CACNA2D4: variants seen among roughly 807,000 people sequenced by gnomAD.
CACNA2D4 encodes the protein voltage-dependent calcium channel subunit alpha-2/delta-4.
A neutral mutation model predicts 163.8 loss-of-function variants in CACNA2D4; 157 were observed. That is an observed-to-expected ratio of 0.96 (90% confidence interval 0.84 to 1.09). The LOEUF (loss-of-function observed/expected upper bound fraction) is 1.09. Among genes scored for constraint, CACNA2D4 ranks in the 50% least tolerant of loss-of-function variants. The pLI is 0.00. For missense variants in CACNA2D4, 1,410 were observed against 1,479.9 expected (o/e 0.95, Z 0.78); for synonymous variants, 598 against 586.9 (o/e 1.02, Z -0.27).
rs1592726621 is a variant in CACNA2D4 at position 1,875,303 on chromosome 12, T to C, written c.1754A>G (p.Asn585Ser). The change falls in exon 17 of 38, where the codon AAC (asparagine) becomes AGC (serine). Residue 585 changes from asparagine to serine, a missense_variant. Coordinates refer to ENST00000382722, the MANE Select transcript of CACNA2D4 (RefSeq NM_172364.5). The surrounding 1 kb of genome is among the most constrained non-coding windows in gnomAD (Gnocchi z 4.0). ...TTCGGAGAGATCCACACTGTTGTAGTTAGGTTTGGGTTTTAGTTTCTTCCC... is the reference window on the plus strand; with the variant it reads ...TTCGGAGAGATCCACACTGTTGTAGCTAGGTTTGGGTTTTAGTTTCTTCCC... ...REGKKLKPKP[N>S]YNSVDLSEVE... 3 of 1,613,876 alleles carry C rather than the reference T, an allele frequency of 1.9e-6. No homozygotes were observed. In the East Asian group the frequency reaches 6.7e-5, roughly 36 times the overall value.
chr12:1,914,269 G>GA (rs1866905259), intron 2 of CACNA2D4, among the ~76,000 whole-genome samples: 1 of 152,240 alleles, frequency 6.6e-6, no homozygotes, highest in Non-Finnish European at 1.5e-5. Flanking sequence ...GCTGCCATTG[G>GA]AACTGCTCTG....
chr12:1,912,421 G>T (rs1219505609), intron 3 of CACNA2D4, among the ~76,000 whole-genome samples: 4 of 152,226 alleles, frequency 2.6e-5, no homozygotes, highest in Non-Finnish European at 5.9e-5. Flanking sequence ...GCCCCACCAG[G>T]CTTGGTGGAT....
chr12:1,918,048 C>T, intron 1 of CACNA2D4, 199 bp downstream of exon 1: 1 of 557,672 alleles, frequency 1.8e-6, no homozygotes, highest in Non-Finnish European at 3.1e-6. Flanking sequence ...CCAGAACTCA[C>T]AGAGCTTTTG....
At chr12:1,907,387 A>G (rs1592748927) in intron 6 of CACNA2D4, 53 bp downstream of exon 6, 1 of 932,628 alleles carries the variant, frequency 1.1e-6, no homozygotes, top group Non-Finnish European at 1.5e-6. Flanking sequence ...TGCCCCTATT[A>G]TTTCCAGAGA....
In CACNA2D4 at chr12:1,908,041, G is replaced by T. The variant is rs60194757; in HGVS notation, c.487-4C>A. The T allele has an allele frequency of 1.9e-6, 3 of 1,607,864 alleles. No homozygotes were observed. The highest frequency in any genetic ancestry group is 2.6e-6 in the Non-Finnish European group (3 of 1,175,512). On this transcript the variant is annotated splice_polypyrimidine_tract_variant and splice_region_variant and intron_variant, in intron 4 of 37. Transcript: ENST00000382722. Reference sequence around the variant, plus strand: ...GGACCGAGTTGTAATAGTCGAACTGGGGTGGACGGGTGAGGCCCACGGAGG... The same window carrying T: ...GGACCGAGTTGTAATAGTCGAACTGTGGTGGACGGGTGAGGCCCACGGAGG...
intron 26 of CACNA2D4, chr12:1,822,172 C>T (rs1864132289): frequency 6.6e-6 from 1 of 152,202 alleles, no homozygotes; most frequent in African/African-American, 2.4e-5. Flanking sequence ...AGCAGCCGAT[C>T]TGGTGTCTTT....
At chr12:1,826,296 C>T (rs1373215724) in intron 26 of CACNA2D4, among the ~76,000 whole-genome samples, 1 of 152,100 alleles carries the variant, frequency 6.6e-6, no homozygotes, top group Non-Finnish European at 1.5e-5. Flanking sequence ...CATAGAAACT[C>T]CACCAAGCAG....
In CACNA2D4 at chr12:1,802,147, TGA is replaced by T. The variant is rs1863361039; in HGVS notation, c.2722-505_2722-504del. On this transcript the variant is annotated intron_variant, in intron 29 of 37. Coordinates refer to ENST00000382722, the MANE Select transcript of CACNA2D4 (RefSeq NM_172364.5). The surrounding 1 kb of genome is among the most constrained non-coding windows in gnomAD (Gnocchi z 4.7). Reference sequence around the variant, plus strand: ...CGCTGGTGTCCTCATCTTCCCAGTGTGAGAGGGCTGCTGTGGCTTTTGCTGTC... The same window carrying T: ...CGCTGGTGTCCTCATCTTCCCAGTGTGAGGGCTGCTGTGGCTTTTGCTGTC... Among the ~76,000 whole-genome samples, 1 of 151,894 alleles carries T rather than the reference TGA, an allele frequency of 6.6e-6. No individual in the cohort carries two copies. Among genetic ancestry groups the T allele is most frequent in the South Asian group, 2.1e-4 (1 of 4,822 alleles).
chr12:1,810,217 C>T (rs1236871712), intron 29 of CACNA2D4, 61 bp downstream of exon 29: 9 of 1,408,414 alleles, frequency 6.4e-6, no homozygotes, highest in South Asian at 5.8e-5. Flanking sequence ...GGAGTGGCTG[C>T]CCAATGTCTC....
At chr12:1,842,724 G>A (rs1253954979) in intron 25 of CACNA2D4, among the ~76,000 whole-genome samples, 1 of 151,986 alleles carries the variant, frequency 6.6e-6, no homozygotes, top group East Asian at 1.9e-4. Flanking sequence ...GGCAGGGGCT[G>A]GGGCCTCATT....
intron 26 of CACNA2D4, among the ~76,000 whole-genome samples, chr12:1,816,972 T>A (rs1445380308): frequency 1.3e-5 from 2 of 152,208 alleles, no homozygotes; most frequent in Non-Finnish European, 2.9e-5. Context: ...GTTTGCACAC[T>A]GTTGAGTGCT....
chr12:1,796,933 CG>C (rs1264040262), intron 35 of CACNA2D4, among the ~76,000 whole-genome samples: 1 of 152,218 alleles, frequency 6.6e-6, no homozygotes, highest in Non-Finnish European at 1.5e-5. Flanking sequence ...AGGCTGCCCG[CG>C]GGGCTCCCAG....
Position 1,917,516 on chromosome 12 carries a change from G to C in CACNA2D4, c.227+731C>G, listed in dbSNP as rs557346583. On this transcript the variant is annotated intron_variant, in intron 1 of 37. Coordinates refer to ENST00000382722, the MANE Select transcript of CACNA2D4 (RefSeq NM_172364.5). This position sits in a 1 kb window ranked among gnomAD's most constrained non-coding sequence, Gnocchi z 4.3. The stretch of plus-strand genomic sequence containing the variant: ...GTCTGTAGCACCTACAGTCTAGAAG[G>C]CTCTGCTACCCACATGTATTGGAAA... Among the ~76,000 whole-genome samples the C allele has an allele frequency of 2.6e-5, 4 of 152,262 alleles. No homozygotes were observed. The highest frequency in any genetic ancestry group is 7.2e-5 in the African/African-American group (3 of 41,542).
At chr12:1,825,978 G>C (rs1466379558) in intron 26 of CACNA2D4, among the ~76,000 whole-genome samples, 1 of 152,234 alleles carries the variant, frequency 6.6e-6, no homozygotes, top group Non-Finnish European at 1.5e-5. Context: ...GGGACAGAGA[G>C]CGTGCACGCT....
rs771283922 is a variant in CACNA2D4, at chr12:1,811,673, C to T, written c.2602G>A (p.Ala868Thr). Residue 868 changes from alanine (A) to threonine (T), a missense_variant, in exon 27 of 38, where the codon GCA becomes ACA. Coordinates refer to ENST00000382722, the MANE Select transcript of CACNA2D4 (RefSeq NM_172364.5). ...GACATCACACCTACCTGCCGCGTTG[C>T]CGCCCAGAATTTGCGCTGGAGGAAT... is the stretch of plus-strand genomic sequence containing the variant. ...LEFLQRKFWA[A>T]TRQCSTVDGP... is the part of the protein sequence containing the mutation. 3.2e-6 allele frequency: 5 copies of T among 1,559,574 alleles called. No homozygotes were observed. The highest frequency in any genetic ancestry group is 1.2e-5 in the South Asian group (1 of 84,418).
chr12:1,848,780 T>TATTATTATG (rs1261654862), intron 23 of CACNA2D4, among the ~76,000 whole-genome samples: 6 of 150,914 alleles, frequency 4.0e-5, no homozygotes, highest in African/African-American at 1.5e-4. Context: ...TTATTATTAT[T>TATTATTATG]ATTTTTATTT....
chr12:1,908,183 T>C lies in CACNA2D4; in HGVS notation c.487-146A>G, dbSNP rs535732607. The C allele has an allele frequency of 4.9e-6, 4 of 809,948 alleles. No individual in the cohort carries two copies. In the African/African-American group the frequency reaches 5.1e-5, roughly 10 times the overall value. 50.2% of individuals were successfully genotyped at this position (809,948 alleles called of 1,614,324 possible). On this transcript the variant is annotated intron_variant, in intron 4 of 37. Coordinates refer to ENST00000382722, the MANE Select transcript of CACNA2D4 (RefSeq NM_172364.5). Reference sequence around the variant, plus strand: ...TACACAAGCACCCGCGGCGGCGCGCTGGGCACTGATCAGGGCGATTCGGGA... The same window carrying C: ...TACACAAGCACCCGCGGCGGCGCGCCGGGCACTGATCAGGGCGATTCGGGA...
Position 1,834,904 on chromosome 12 carries a change from C to T in CACNA2D4, c.2551+5835G>A, listed in dbSNP as rs934695759. On this transcript the variant is annotated intron_variant, in intron 26 of 37. Transcript: ENST00000382722. This position sits in a 1 kb window ranked among gnomAD's most constrained non-coding sequence, Gnocchi z 7.6. Reference sequence around the variant, plus strand: ...ACTTTCGAGGCTCCCTGAAAGCCACCGTGCTGGGGGCTCCTGCTGATGCTC... The same window carrying T: ...ACTTTCGAGGCTCCCTGAAAGCCACTGTGCTGGGGGCTCCTGCTGATGCTC... 9 of 1,163,702 alleles carry T rather than the reference C, an allele frequency of 7.7e-6. No individual in the cohort carries two copies. The highest frequency in any genetic ancestry group is 3.0e-4 in the Middle Eastern group (1 of 3,372). The allele number at this position is 1,163,702 out of a possible 1,614,324, so 72.1% of individuals were successfully genotyped here.
intron 23 of CACNA2D4, among the ~76,000 whole-genome samples, chr12:1,847,960 A>C (rs957705953): frequency 4.6e-5 from 7 of 152,184 alleles, no homozygotes; most frequent in African/African-American, 1.4e-4. Context: ...GAATTTTTTT[A>C]AGTTTGGCTG....
Sources: allele counts gnomAD v4.1 joint callset (sites outside exome capture counted in the v4.1 genomes callset), GRCh38; gene constraint gnomAD v4.1.1; non-coding constraint Gnocchi (gnomAD v3.1); transcripts MANE v1.5; gene names NCBI Gene and HGNC (gene_info 2026-07-23, HGNC 2026-07-21).